Variants in YWHAQ observed in about 807,000 individuals in gnomAD.
YWHAQ encodes the protein tyrosine 3-monooxygenase/tryptophan 5-monooxygenase activation protein theta.
A neutral mutation model predicts 28.3 loss-of-function variants in YWHAQ; 6 were observed. That is an observed-to-expected ratio of 0.21 (90% CI 0.12 to 0.42). The LOEUF (loss-of-function observed/expected upper bound fraction) is 0.42. YWHAQ is among the 10% of genes least tolerant of loss of function. The pLI is 1.00. For missense variants in YWHAQ, 201 were observed against 305.6 expected, an observed-to-expected ratio of 0.66 and a Z score of 2.55; for synonymous variants, 143 against 119.1, an observed-to-expected ratio of 1.20 and a Z score of -1.31.
intron 2 of YWHAQ, among the ~76,000 whole-genome samples, chr2:9,601,494 T>C (rs542615743): frequency 4.6e-5 from 7 of 152,256 alleles, no homozygotes; most frequent in African/African-American, 1.7e-4. Flanking sequence ...AAAAATATTA[T>C]AATTCAAAAT....
At position 9,630,129 on chromosome 2, in the gene YWHAQ, C is replaced by G; in HGVS notation, c.294+30G>C. 6.3e-7 allele frequency: 1 copy of G among 1,591,166 alleles called. No individual in the cohort carries two copies. Among genetic ancestry groups the G allele is most frequent in the Non-Finnish European group, 8.6e-7 (1 of 1,165,144 alleles). ...TCAATGAAAAGCATCTCACAAAAGG[C>G]CTCCCCTGCTCCCCGCGCCGAGGAC... On this transcript the variant is annotated intron_variant, in intron 2 of 5. Coordinates refer to ENST00000238081, the MANE Select transcript of YWHAQ (RefSeq NM_006826.4). This position sits in a 1 kb window ranked among gnomAD's most constrained non-coding sequence, Gnocchi z 5.6.
intron 2 of YWHAQ, among the ~76,000 whole-genome samples, chr2:9,617,906 G>A (rs1029976123): frequency 2.0e-5 from 3 of 150,830 alleles, no homozygotes; most frequent in African/African-American, 7.3e-5. Flanking sequence ...CAGCTTGGGT[G>A]ACAGAGTGAG....
At position 9,630,458 on chromosome 2, in the gene YWHAQ, G is replaced by A; in HGVS notation, c.-6C>T. ...ATCAGCTCAGTCTTCTCCATGGCGG[G>A]CGCGGGGCCGGGGCCGGGGCGGAGG... On this transcript the variant is annotated 5_prime_UTR_variant, in exon 2 of 6. Transcript: ENST00000238081. The surrounding 1 kb of genome is among the most constrained non-coding windows in gnomAD (Gnocchi z 5.6). 6.3e-7 allele frequency: 1 copy of A among 1,591,346 alleles called. No individual in the cohort carries two copies.
At chr2:9,620,686 C>T (rs1667125713) in intron 2 of YWHAQ, 1 of 152,150 alleles carries the variant, frequency 6.6e-6, no homozygotes, top group Non-Finnish European at 1.5e-5. Flanking sequence ...ACTTTTATTA[C>T]CCAATGTCTA....
At chr2:9,594,996 T>G (rs1013468248) in intron 2 of YWHAQ, among the ~76,000 whole-genome samples, 2 of 151,018 alleles carry the variant, frequency 1.3e-5, no homozygotes, top group African/African-American at 5.0e-5. Context: ...CTAAAATTAT[T>G]AACTTTGACT....
chr2:9,612,784 A>C (rs1428181732), intron 2 of YWHAQ, among the ~76,000 whole-genome samples: 1 of 152,222 alleles, frequency 6.6e-6, no homozygotes, highest in Non-Finnish European at 1.5e-5. Context: ...ACCCGAGCCC[A>C]TGAGTACAGT....
At chr2:9,616,168 A>T (rs1667037386) in intron 2 of YWHAQ, among the ~76,000 whole-genome samples, 1 of 152,166 alleles carries the variant, frequency 6.6e-6, no homozygotes, top group Non-Finnish European at 1.5e-5. Flanking sequence ...ACCCAATTAG[A>T]TCTGATTATA....
At chr2:9,608,112 A>T (rs1189914795) in intron 2 of YWHAQ, among the ~76,000 whole-genome samples, 1 of 152,188 alleles carries the variant, frequency 6.6e-6, no homozygotes, top group East Asian at 1.9e-4. Flanking sequence ...TCACAACCTT[A>T]AAATAGATTC....
chr2:9,591,927 GA>G (rs1401636305), intron 2 of YWHAQ, among the ~76,000 whole-genome samples: 3 of 152,236 alleles, frequency 2.0e-5, no homozygotes, highest in African/African-American at 7.2e-5. Flanking sequence ...CAAGAACTAA[GA>G]AAGATGTGAA....
At chr2:9,627,193 C>T (rs1667264322) in intron 2 of YWHAQ, among the ~76,000 whole-genome samples, 1 of 152,170 alleles carries the variant, frequency 6.6e-6, no homozygotes, top group Non-Finnish European at 1.5e-5. Context: ...ATTTTGAATA[C>T]ATGGTTTAAG....
chr2:9,629,254 CA>C (rs1667307942), intron 2 of YWHAQ, among the ~76,000 whole-genome samples: 1 of 152,156 alleles, frequency 6.6e-6, no homozygotes, highest in South Asian at 2.1e-4. Context: ...CCATTTTATT[CA>C]TAGAAATGAC....
chr2:9,587,355 A>G, intron 5 of YWHAQ, 59 bp downstream of exon 5: 2 of 1,486,482 alleles, frequency 1.3e-6, no homozygotes, highest in Non-Finnish European at 9.2e-7. Flanking sequence ...AGTCCAAAAT[A>G]AAATATAAAT....
intron 2 of YWHAQ, among the ~76,000 whole-genome samples, chr2:9,625,037 C>T (rs938848638): frequency 6.6e-6 from 1 of 151,966 alleles, no homozygotes; most frequent in Non-Finnish European, 1.5e-5. Flanking sequence ...AGCCACCATG[C>T]CCAGCCCATT....
intron 2 of YWHAQ, among the ~76,000 whole-genome samples, chr2:9,625,077 T>C (rs931545896): frequency 1.3e-5 from 2 of 151,912 alleles, no homozygotes; most frequent in Middle Eastern, 3.4e-3. Flanking sequence ...AACAAAAACC[T>C]TGGCTGGGGC....
In YWHAQ at chr2:9,590,206, T is replaced by C. The variant is rs114159285; in HGVS notation, c.418+1186A>G. ...GGTTAAAGCTACAGCTATGTCTCAATCTCCCAAATACTTCTCTTTGGCTTT... is the reference window on the plus strand; with the variant it reads ...GGTTAAAGCTACAGCTATGTCTCAACCTCCCAAATACTTCTCTTTGGCTTT... On this transcript the variant is annotated intron_variant, in intron 3 of 5. Coordinates refer to ENST00000238081, the MANE Select transcript of YWHAQ (RefSeq NM_006826.4). Among the ~76,000 whole-genome samples the C allele has an allele frequency of 1.9e-3, 282 of 152,306 alleles. 2 individuals carry two copies. The highest frequency in any genetic ancestry group is 6.5e-3 in the African/African-American group (272 of 41,572).
chr2:9,603,356 A>G (rs1306525418), intron 2 of YWHAQ, among the ~76,000 whole-genome samples: 1 of 151,230 alleles, frequency 6.6e-6, no homozygotes, highest in Non-Finnish European at 1.5e-5. Context: ...TGCAACCCCA[A>G]CTTCCCAGGT....
chr2:9,614,593 T>C (rs1030950306), intron 2 of YWHAQ, among the ~76,000 whole-genome samples: 2 of 152,140 alleles, frequency 1.3e-5, no homozygotes, highest in Admixed American at 6.5e-5. Context: ...TAGGTCAAAA[T>C]TGCCTTGCTA....
chr2:9,610,017 C>G (rs1288630631), intron 2 of YWHAQ, among the ~76,000 whole-genome samples: 1 of 152,198 alleles, frequency 6.6e-6, no homozygotes, highest in African/African-American at 2.4e-5. Flanking sequence ...TCCCGCATCT[C>G]TTTCAGAGGA....
chr2:9,592,006 C>T (rs1436342864), intron 2 of YWHAQ, among the ~76,000 whole-genome samples: 1 of 152,064 alleles, frequency 6.6e-6, no homozygotes, highest in African/African-American at 2.4e-5. Flanking sequence ...AGACAGGCTT[C>T]CCAGGGAAAG....
Sources: allele counts gnomAD v4.1 joint callset (sites outside exome capture counted in the v4.1 genomes callset), GRCh38; gene constraint gnomAD v4.1.1; non-coding constraint Gnocchi (gnomAD v3.1); transcripts MANE v1.5; gene names NCBI Gene and HGNC (gene_info 2026-07-23, HGNC 2026-07-21).